Variants in ZFAND3 observed in about 807,000 individuals in gnomAD.
ZFAND3 encodes zinc finger AN1-type containing 3.
In ZFAND3, 10 loss-of-function variants were observed where a neutral mutation model predicts 29.6. The ratio of observed to expected loss-of-function variants is 0.34; its 90% confidence interval spans 0.21 to 0.57. ZFAND3 has a LOEUF of 0.57. Among genes scored for constraint, ZFAND3 ranks in the 20% least tolerant of loss-of-function variants. ZFAND3 has a pLI of 0.86. For synonymous variants in ZFAND3, 128 were observed against 112.6 expected, an observed-to-expected ratio of 1.14 and a Z score of -0.87; for missense variants, 230 against 304.5, an observed-to-expected ratio of 0.76 and a Z score of 1.82.
intron 1 of ZFAND3, among the ~76,000 whole-genome samples, chr6:37,918,526 G>A (rs551544278): frequency 6.6e-6 from 1 of 152,124 alleles, no homozygotes; most frequent in East Asian, 1.9e-4. Context: ...CTCATTTTCT[G>A]ACAAGGAAAG....
At chr6:38,039,401 C>G (rs1763718276) in intron 2 of ZFAND3, among the ~76,000 whole-genome samples, 1 of 152,174 alleles carries the variant, frequency 6.6e-6, no homozygotes, top group Non-Finnish European at 1.5e-5. Flanking sequence ...TGGCCACTTT[C>G]TTCCTCTTTA....
intron 1 of ZFAND3, among the ~76,000 whole-genome samples, chr6:37,918,200 G>A (rs35330991): frequency 0.13 from 19,835 of 151,698 alleles, 2,128 homozygotes; most frequent in African/African-American, 0.3. Flanking sequence ...CCTCAGCCTC[G>A]CAAGTAGCTG....
intron 1 of ZFAND3, among the ~76,000 whole-genome samples, chr6:37,877,014 G>T (rs945607378): frequency 6.6e-5 from 10 of 152,124 alleles, no homozygotes; most frequent in African/African-American, 2.4e-4. Flanking sequence ...ACAGATCCTA[G>T]GTTTTAATCT....
intron 1 of ZFAND3, among the ~76,000 whole-genome samples, chr6:37,911,155 T>TTCC (rs1288075482): frequency 1.3e-5 from 2 of 152,232 alleles, no homozygotes; most frequent in Non-Finnish European, 2.9e-5. Flanking sequence ...ATGAGTAGTA[T>TTCC]ACAAGGGTTC....
intron 4 of ZFAND3, among the ~76,000 whole-genome samples, chr6:38,089,120 T>A (rs1383376864): frequency 6.6e-6 from 1 of 151,174 alleles, no homozygotes; most frequent in Non-Finnish European, 1.5e-5. Context: ...TTGACTCACT[T>A]CTTTTTTTAT....
intron 2 of ZFAND3, among the ~76,000 whole-genome samples, chr6:37,944,332 AT>A (rs1761863708): frequency 6.6e-6 from 1 of 152,202 alleles, no homozygotes; most frequent in Admixed American, 6.5e-5. Context: ...TTTATTATAG[AT>A]TTTTAAAAAA....
intron 2 of ZFAND3, among the ~76,000 whole-genome samples, chr6:37,986,620 T>G (rs1032628631): frequency 2.0e-5 from 3 of 152,220 alleles, no homozygotes; most frequent in African/African-American, 7.2e-5. Flanking sequence ...TGTCCAGCTT[T>G]ATGTTGACCT....
intron 3 of ZFAND3, chr6:38,062,636 T>C (rs973311334): frequency 1.3e-5 from 2 of 152,248 alleles, no homozygotes; most frequent in African/African-American, 4.8e-5. Context: ...TCTCCCAAAG[T>C]ACTGGGATTA....
chr6:38,134,734 C>T (rs1765807778), intron 5 of ZFAND3, among the ~76,000 whole-genome samples: 2 of 152,316 alleles, frequency 1.3e-5, no homozygotes, highest in African/African-American at 4.8e-5. Context: ...GACCACATGA[C>T]AGCCCTTACT....
chr6:37,825,197 A>G (rs1287759470), intron 1 of ZFAND3, among the ~76,000 whole-genome samples: 3 of 152,148 alleles, frequency 2.0e-5, no homozygotes, highest in African/African-American at 7.2e-5. Context: ...ATGTTGCCAC[A>G]CTTTAACCAG....
At chr6:37,885,480 C>G (rs1764973239) in intron 1 of ZFAND3, among the ~76,000 whole-genome samples, 1 of 151,654 alleles carries the variant, frequency 6.6e-6, no homozygotes, top group Non-Finnish European at 1.5e-5. Flanking sequence ...CCCGTTTCTT[C>G]TAAAAATACA....
rs144861120 is a variant in ZFAND3, at chr6:38,020,870, C to G, written c.113-40723C>G. 5.9e-5 allele frequency among the ~76,000 whole-genome samples: 9 copies of G among 152,334 alleles called. No homozygotes were observed. In the East Asian group the frequency reaches 1.7e-3, roughly 29 times the overall value. The stretch of plus-strand genomic sequence containing the variant: ...GCAGGTTTACATAGCTACTCTCTTG[C>G]TCTGCATTAAGTGTAGGGAGCCAAA... On this transcript the variant is annotated intron_variant, in intron 2 of 5. Coordinates refer to ENST00000287218, the MANE Select transcript of ZFAND3 (RefSeq NM_021943.3).
intron 1 of ZFAND3, among the ~76,000 whole-genome samples, chr6:37,895,252 A>G (rs1377457302): frequency 6.6e-6 from 1 of 151,080 alleles, no homozygotes; most frequent in Non-Finnish European, 1.5e-5. Context: ...TTTTTTCTTC[A>G]TTGCTTAATC....
At chr6:38,078,254 C>A (rs1003898772) in intron 3 of ZFAND3, among the ~76,000 whole-genome samples, 2 of 152,090 alleles carry the variant, frequency 1.3e-5, no homozygotes, top group Non-Finnish European at 2.9e-5. Flanking sequence ...ATCTTTAATA[C>A]AAGAATAGAA....
chr6:37,890,102 T>C (rs1440084100), intron 1 of ZFAND3, among the ~76,000 whole-genome samples: 2 of 152,192 alleles, frequency 1.3e-5, no homozygotes, highest in Non-Finnish European at 2.9e-5. Context: ...CTGCTAATAA[T>C]AGCATGAGTC....
chr6:38,142,457 G>A, intron 5 of ZFAND3: 1 of 417,612 alleles, frequency 2.4e-6, no homozygotes, highest in Non-Finnish European at 4.9e-6. Flanking sequence ...CCCAGGCTGT[G>A]TCTTCAGCAG....
chr6:38,002,449 C>T (rs941535875), intron 2 of ZFAND3, among the ~76,000 whole-genome samples: 2 of 151,908 alleles, frequency 1.3e-5, no homozygotes, highest in African/African-American at 2.4e-5. Flanking sequence ...GAGGCTGAGG[C>T]GGGCGGATTG....
At chr6:38,005,299 T>C (rs144817114) in intron 2 of ZFAND3, among the ~76,000 whole-genome samples, 140 of 152,306 alleles carry the variant, frequency 9.2e-4, no homozygotes, top group African/African-American at 3.0e-3. Context: ...AGTATTGAAG[T>C]CTCAAAGATG....
chr6:37,895,930 T>C (rs1671680512), intron 1 of ZFAND3, among the ~76,000 whole-genome samples: 1 of 152,194 alleles, frequency 6.6e-6, no homozygotes, highest in South Asian at 2.1e-4. Flanking sequence ...CTACCCTGTG[T>C]CCTATGAATT....
Sources: allele counts gnomAD v4.1 joint callset (sites outside exome capture counted in the v4.1 genomes callset), GRCh38; gene constraint gnomAD v4.1.1; transcripts MANE v1.5; gene names NCBI Gene and HGNC (gene_info 2026-07-23, HGNC 2026-07-21).